RAD51B: variants seen among roughly 807,000 people sequenced by gnomAD.
RAD51B encodes DNA repair protein RAD51 homolog 2.
In RAD51B, 38 loss-of-function variants were observed where a neutral mutation model predicts 42.2. The ratio of observed to expected loss-of-function variants is 0.90; its 90% CI spans 0.70 to 1.18. RAD51B has a LOEUF of 1.18. Ranked by LOEUF, RAD51B falls within the 50% of genes most tolerant of loss-of-function variation. The probability of loss-of-function intolerance (pLI) is 0.00; values close to 1 mark genes in which losing one functional copy is unlikely to be tolerated. For synonymous variants in RAD51B, 154 were observed against 145.2 expected (o/e 1.06, Z -0.43); for missense variants, 373 against 400.7 (o/e 0.93, Z 0.59).
intron 7 of RAD51B, among the ~76,000 whole-genome samples, chr14:67,904,837 T>C (rs2043730149): frequency 6.6e-6 from 1 of 152,066 alleles, no homozygotes; most frequent in Non-Finnish European, 1.5e-5. Context: ...GATACATAGT[T>C]TGCAAATATT....
At chr14:68,663,039 C>T (rs1892964985) in intron 11 of RAD51B, among the ~76,000 whole-genome samples, 1 of 152,172 alleles carries the variant, frequency 6.6e-6, no homozygotes, top group South Asian at 2.1e-4. Flanking sequence ...GGTGGGTCAC[C>T]CCTGTAATCC....
chr14:68,623,074 C>T (rs771504691), intron 10 of RAD51B, among the ~76,000 whole-genome samples: 1 of 152,208 alleles, frequency 6.6e-6, no homozygotes, highest in Non-Finnish European at 1.5e-5. Flanking sequence ...AATAGCACCA[C>T]GGACCTACCT....
intron 10 of RAD51B, among the ~76,000 whole-genome samples, chr14:68,554,426 C>T (rs567910811): frequency 9.2e-5 from 14 of 152,244 alleles, no homozygotes; most frequent in South Asian, 2.1e-4. Flanking sequence ...GTCCTCCTGC[C>T]GGAGGTTTCC....
chr14:67,989,775 C>T (rs1226877783), intron 7 of RAD51B, among the ~76,000 whole-genome samples: 1 of 151,994 alleles, frequency 6.6e-6, no homozygotes, highest in Non-Finnish European at 1.5e-5. Flanking sequence ...CTTTATTATG[C>T]CAGTACCTTA....
intron 10 of RAD51B, chr14:68,497,777 T>C (rs1326067668): frequency 4.5e-6 from 1 of 223,202 alleles, no homozygotes; most frequent in African/African-American, 2.2e-5. Flanking sequence ...TGGAATCATA[T>C]AGTGTCTGTC....
chr14:68,295,665 G>A (rs2081600408), intron 8 of RAD51B, among the ~76,000 whole-genome samples: 1 of 152,158 alleles, frequency 6.6e-6, no homozygotes. Context: ...CAGGTCACTT[G>A]TATTCCCTCC....
chr14:68,529,853 T>C (rs1439606056), intron 10 of RAD51B, among the ~76,000 whole-genome samples: 4 of 152,118 alleles, frequency 2.6e-5, no homozygotes, highest in Non-Finnish European at 2.9e-5. Context: ...TTTGCCTAAA[T>C]ACTCAAAGAG....
intron 7 of RAD51B, among the ~76,000 whole-genome samples, chr14:68,283,196 T>C (rs994598254): frequency 2.0e-5 from 3 of 152,112 alleles, no homozygotes; most frequent in Non-Finnish European, 2.9e-5. Context: ...TACACATGAA[T>C]AGAAAGCACC....
intron 7 of RAD51B, among the ~76,000 whole-genome samples, chr14:68,014,838 A>G (rs2075747966): frequency 6.8e-6 from 1 of 147,870 alleles, no homozygotes; most frequent in Admixed American, 6.7e-5. Flanking sequence ...GAAACAATAT[A>G]AGAATGAATG....
chr14:68,270,374 G>A (rs2081082221), intron 7 of RAD51B, among the ~76,000 whole-genome samples: 1 of 152,184 alleles, frequency 6.6e-6, no homozygotes, highest in African/African-American at 2.4e-5. Flanking sequence ...ACATTTTCAG[G>A]ATCTTTCCTA....
intron 7 of RAD51B, among the ~76,000 whole-genome samples, chr14:68,225,946 T>C (rs2080028581): frequency 6.6e-6 from 1 of 152,216 alleles, no homozygotes. Context: ...AAAATGTATA[T>C]ATTCTATTCC....
chr14:68,416,039 T>G (rs546303472), intron 9 of RAD51B, among the ~76,000 whole-genome samples: 6 of 152,284 alleles, frequency 3.9e-5, no homozygotes, highest in Admixed American at 3.9e-4. Flanking sequence ...GGAGGCACCC[T>G]GAAATTATGG....
chr14:68,405,379 G>A (rs2084240157), intron 8 of RAD51B, among the ~76,000 whole-genome samples: 1 of 152,172 alleles, frequency 6.6e-6, no homozygotes, highest in African/African-American at 2.4e-5. Context: ...GGGAATTCAA[G>A]GTTACAGTGG....
chr14:68,034,556 A>G (rs1044101536), intron 7 of RAD51B, among the ~76,000 whole-genome samples: 5 of 152,170 alleles, frequency 3.3e-5, no homozygotes, highest in Non-Finnish European at 5.9e-5. Context: ...AATGTGAGCC[A>G]TTGTGCCCAG....
intron 7 of RAD51B, among the ~76,000 whole-genome samples, chr14:68,015,595 T>C (rs2093358): frequency 0.33 from 49,466 of 151,968 alleles, 11,481 homozygotes; most frequent in African/African-American, 0.66. Context: ...ACCATCAGAT[T>C]TCGGGAGACT....
chr14:68,341,267 A>T (rs1202374690), intron 8 of RAD51B, among the ~76,000 whole-genome samples: 1 of 152,242 alleles, frequency 6.6e-6, no homozygotes, highest in African/African-American at 2.4e-5. Context: ...AGGAAAAATT[A>T]GTTGATCTGA....
chr14:68,138,014 C>G (rs983622255), intron 7 of RAD51B, among the ~76,000 whole-genome samples: 3 of 152,152 alleles, frequency 2.0e-5, no homozygotes, highest in African/African-American at 7.2e-5. Context: ...CTGTTCCTAG[C>G]CCTCAGGGTG....
chr14:68,397,743 G>A (rs2083967270), intron 8 of RAD51B, among the ~76,000 whole-genome samples: 1 of 152,134 alleles, frequency 6.6e-6, no homozygotes, highest in Non-Finnish European at 1.5e-5. Context: ...CAGAAAGCCG[G>A]GTCCAGATGG....
rs189470113 is a variant in RAD51B, at chr14:68,006,285, T to C, written c.756+119081T>C. 2.0e-5 allele frequency among the ~76,000 whole-genome samples: 3 copies of C among 152,344 alleles called. No homozygotes were observed. In the East Asian group the frequency reaches 5.8e-4, roughly 29 times the overall value. On this transcript the variant is annotated intron_variant, in intron 7 of 10. Transcript: ENST00000471583. ...CCAATTCTTTGTTGATTTTATGTAC[T>C]ACAACTAGCTTCTCTATGGGTATAT...
Sources: gnomAD v4.1 joint callset for allele counts (sites outside exome capture counted in the v4.1 genomes callset) on GRCh38, gnomAD v4.1.1 for gene constraint, MANE v1.5 for transcripts, NCBI Gene and HGNC (gene_info 2026-07-23, HGNC 2026-07-21) for gene names.